The following ATR variants were observed in gnomAD, a reference collection of about 807,000 sequenced individuals.
The protein encoded by ATR is ATR checkpoint kinase.
A neutral mutation model predicts 305.3 loss-of-function variants in ATR; 142 were observed. That is an observed-to-expected ratio of 0.47 (90% CI 0.41 to 0.53). The LOEUF (loss-of-function observed/expected upper bound fraction) is 0.53. Among genes scored for constraint, ATR ranks in the 20% least tolerant of loss-of-function variants. The pLI is 0.00. For synonymous variants in ATR, 1,050 were observed against 1,068.1 expected, an observed-to-expected ratio of 0.98 and a Z score of 0.33; for missense variants, 2,135 against 3,133.1, an observed-to-expected ratio of 0.68 and a Z score of 7.60.
At chr3:142,495,653 A>G (rs1355996477) in intron 34 of ATR, among the ~76,000 whole-genome samples, 2 of 152,154 alleles carry the variant, frequency 1.3e-5, no homozygotes, top group Non-Finnish European at 2.9e-5. Flanking sequence ...CTGAGGCAGG[A>G]GAATCACTTG....
chr3:142,504,895 G>C (rs183685185), intron 29 of ATR, among the ~76,000 whole-genome samples: 446 of 151,904 alleles, frequency 2.9e-3, no homozygotes, highest in Non-Finnish European at 5.1e-3. Context: ...CTAAGGTTTC[G>C]GCTGGATGTG....
chr3:142,487,280 G>C (rs2031002825), intron 35 of ATR, among the ~76,000 whole-genome samples: 1 of 152,112 alleles, frequency 6.6e-6, no homozygotes, highest in South Asian at 2.1e-4. Context: ...GGGACTAGAG[G>C]CATGTACCAC....
chr3:142,468,161 T>C, intron 38 of ATR, 93 bp from the exon 39 acceptor site: 1 of 1,440,898 alleles, frequency 6.9e-7, no homozygotes, highest in African/African-American at 1.4e-5. Flanking sequence ...TTAAAAAGTA[T>C]TCATGATGAG....
intron 44 of ATR, 49 bp downstream of exon 44, chr3:142,458,909 A>G (rs1458329701): frequency 1.4e-5 from 23 of 1,588,334 alleles, no homozygotes; most frequent in Non-Finnish European, 2.0e-5. Context: ...TGTTGAGAAA[A>G]GGAAATTGAG....
At chr3:142,450,711 C>T in intron 46 of ATR, 1 of 1,578,044 alleles carries the variant, frequency 6.3e-7, no homozygotes, top group East Asian at 2.3e-5. Context: ...AAACACATTA[C>T]ATGAAAGAAC....
intron 32 of ATR, 55 bp from the exon 33 acceptor site, chr3:142,497,247 T>C: frequency 6.4e-7 from 1 of 1,556,062 alleles, no homozygotes; most frequent in Non-Finnish European, 8.8e-7. Flanking sequence ...CTTATTAATC[T>C]CATATATAAA....
rs751005278 is a variant in ATR at position 142,536,159 on chromosome 3, A to T, written c.3768T>A (p.Pro1256=). 1.2e-5 allele frequency: 19 copies of T among 1,592,104 alleles called. No homozygotes were observed. Among genetic ancestry groups the T allele is most frequent in the Middle Eastern group, 1.7e-4 (1 of 6,028 alleles). The part of the protein sequence containing the change: ...QDFLHEIYFL[P]DHPELKKIKA... Reference sequence around the variant, plus strand: ...TTATCTTTTTTAATTCTGGATGATCAGGTAAAAAATATATTTCATGAAGAA... The same window carrying T: ...TTATCTTTTTTAATTCTGGATGATCTGGTAAAAAATATATTTCATGAAGAA... The change falls in exon 20 of 47, where the codon CCT becomes CCA. Residue 1256 remains proline (P), a synonymous_variant. Transcript: ENST00000350721.
intron 30 of ATR, among the ~76,000 whole-genome samples, chr3:142,501,643 C>A (rs2031971884): frequency 6.6e-6 from 1 of 152,190 alleles, no homozygotes; most frequent in Admixed American, 6.5e-5. Context: ...GACATACAAG[C>A]AGCCAACAAG....
Position 142,508,060 on chromosome 3 carries a change from G to A in ATR, c.4902C>T (p.Asp1634=). The A allele has an allele frequency of 6.2e-7, 1 of 1,613,134 alleles. No homozygotes were observed. Among genetic ancestry groups the A allele is most frequent in the Non-Finnish European group, 8.5e-7 (1 of 1,179,718 alleles). Residue 1634 remains aspartate, a synonymous_variant, in exon 28 of 47, where the codon GAC becomes GAT. Transcript: ENST00000350721. ...EDYQSVTRFL[D]LIPQDTLAVA... ...CTGCCAGAGTATCCTGGGGTATGAG[G>A]TCTAGAAAACGGGTTACACTCTGAT...
At position 142,516,605 on chromosome 3, in the gene ATR, A is replaced by G. The variant is rs75112959; in HGVS notation, c.4383-1090T>C. Among the ~76,000 whole-genome samples the G allele has an allele frequency of 7.2e-5, 11 of 152,244 alleles. No individual in the cohort carries two copies. In the East Asian group the frequency reaches 1.9e-3, roughly 27 times the overall value. On this transcript the variant is annotated intron_variant, in intron 24 of 46. Transcript: ENST00000350721. ...GGTCATCTCCTATACCTCCTACTTC[A>G]CAGAGTAAAAACAAAATCATTGCTT...
At position 142,553,656 on chromosome 3, in the gene ATR, T is replaced by G; in HGVS notation, c.2617A>C (p.Thr873Pro). 1 of 1,608,742 alleles carries G rather than the reference T, an allele frequency of 6.2e-7. No homozygotes were observed. The highest frequency in any genetic ancestry group is 1.7e-5 in the Admixed American group (1 of 60,006). ...CAAGTATACCTTCCAATATCCCCTG[T>G]TGTAAGAATCAAGGTATCCTTCAGC... ...NELKDTLILT[T>P]GDIGRAAKGD... is the part of the protein sequence containing the mutation. Residue 873 changes from threonine (T) to proline (P), a missense_variant, in exon 12 of 47, where the codon ACA becomes CCA. By Grantham distance (38) the Thr-to-Pro change is conservative. This residue lies in a region of ATR where 530 missense variants were observed against 766.8 expected (regional missense o/e 0.69). Coordinates refer to ENST00000350721, the MANE Select transcript of ATR (RefSeq NM_001184.4).
chr3:142,449,851 A>C, intron 46 of ATR: 1 of 518,636 alleles, frequency 1.9e-6, no homozygotes, highest in South Asian at 2.2e-5. Context: ...ATACCAGGGA[A>C]TTATTTACAC....
At chr3:142,566,058 G>T (rs2108493497) in intron 3 of ATR, 63 bp downstream of exon 3, 1 of 1,598,216 alleles carries the variant, frequency 6.3e-7, no homozygotes, top group South Asian at 1.1e-5. Flanking sequence ...TATTTCAGAA[G>T]AGCAGTAAAA....
intron 1 of ATR, among the ~76,000 whole-genome samples, chr3:142,574,458 C>CAAAA (rs59441794): frequency 1.7e-5 from 2 of 114,646 alleles, no homozygotes; most frequent in African/African-American, 3.2e-5. Flanking sequence ...GAGCCAGTCT[C>CAAAA]AAAAAAAAAA....
At chr3:142,481,412 T>G (rs933053582) in intron 36 of ATR, among the ~76,000 whole-genome samples, 1 of 152,226 alleles carries the variant, frequency 6.6e-6, no homozygotes, top group Non-Finnish European at 1.5e-5. Context: ...CACTTGGTCA[T>G]GGTGAATGAT....
At chr3:142,535,046 G>A in intron 21 of ATR, 34 bp downstream of exon 21, 1 of 1,578,768 alleles carries the variant, frequency 6.3e-7, no homozygotes, top group Non-Finnish European at 8.7e-7. Flanking sequence ...ATCTTTCTTT[G>A]TTATACATTT....
Position 142,450,878 on chromosome 3 carries a change from A to T in ATR, c.7762-1276T>A. ...GTGTTCTCCGACCAAGCAGACAGAT[A>T]CCAATACGGTGTTAAAAATGGTGAA... On this transcript the variant is annotated intron_variant, in intron 46 of 46. Coordinates refer to ENST00000350721, the MANE Select transcript of ATR (RefSeq NM_001184.4). 6 of 1,304,294 alleles carry T rather than the reference A, an allele frequency of 4.6e-6. No homozygotes were observed. The South Asian group carries it at 9.1e-5, about 20-fold the overall frequency. 80.8% of individuals were successfully genotyped at this position (1,304,294 alleles called of 1,614,324 possible).
chr3:142,565,000 A>G (rs1333138560), intron 3 of ATR, among the ~76,000 whole-genome samples: 1 of 152,146 alleles, frequency 6.6e-6, no homozygotes, highest in Non-Finnish European at 1.5e-5. Flanking sequence ...GCTGGTCTCG[A>G]ACTCCCAAAG....
intron 25 of ATR, among the ~76,000 whole-genome samples, chr3:142,514,203 G>A (rs1018050787): frequency 2.0e-5 from 3 of 151,970 alleles, no homozygotes; most frequent in South Asian, 4.1e-4. Flanking sequence ...AACCCGGGAG[G>A]CGGAGGTTGC....
Sources: allele counts gnomAD v4.1 joint callset (sites outside exome capture counted in the v4.1 genomes callset), GRCh38; gene constraint gnomAD v4.1.1; regional missense constraint gnomAD v4.1.1; transcripts MANE v1.5; gene names NCBI Gene and HGNC (gene_info 2026-07-23, HGNC 2026-07-21).